Variants in LPA observed in about 807,000 individuals in gnomAD.
LPA encodes the protein apolipoprotein(a).
In LPA, 199 loss-of-function variants were observed where a neutral mutation model predicts 197.9. The observed-to-expected ratio is 1.01, with a 90% CI of 0.90 to 1.13. LPA has a LOEUF of 1.13. Among genes scored for constraint, LPA ranks in the 50% most tolerant of loss-of-function variants. LPA has a pLI of 0.00. For synonymous variants in LPA, 715 were observed against 639.5 expected (o/e 1.12, Z -1.78); for missense variants, 1,853 against 1,785.8 (o/e 1.04, Z -0.68).
chr6:160,606,802 C>T, intron 16 of LPA, 144 bp from the exon 17 acceptor site: 2 of 1,279,008 alleles, frequency 1.6e-6, no homozygotes, highest in South Asian at 1.2e-5. Flanking sequence ...GCCACAAGCA[C>T]AAATGGCTCT....
chr6:160,595,427 C>T lies in LPA; in HGVS notation c.3396G>A (p.Leu1132=), dbSNP rs1346701940. The T allele has an allele frequency of 6.2e-7, 1 of 1,613,838 alleles. No homozygotes were observed. The highest frequency in any genetic ancestry group is 1.3e-5 in the African/African-American group (1 of 74,982). The change falls in exon 21 of 39, where the codon CTG becomes CTA. Residue 1132 remains leucine, a synonymous_variant. Transcript: ENST00000316300. ...TTGCAAGGACACTTGATTCTGTCAC[C>T]AGGCATTGTGTCAGGTTGCAGTACT... ...RWEYCNLTQC[L]VTESSVLATL...
chr6:160,549,722 G>A (rs1583571809), intron 30 of LPA, among the ~76,000 whole-genome samples: 1 of 152,340 alleles, frequency 6.6e-6, no homozygotes, highest in East Asian at 1.9e-4. Flanking sequence ...CAGGCAGGAT[G>A]CTGTTTCTCT....
chr6:160,583,213 C>T (rs1019011179), intron 26 of LPA, among the ~76,000 whole-genome samples: 3 of 151,412 alleles, frequency 2.0e-5, no homozygotes, highest in African/African-American at 7.3e-5. Context: ...TTATGGGTCA[C>T]ACTAAATGCT....
chr6:160,650,404 G>T lies in LPA; in HGVS notation c.143C>A (p.Thr48Asn). 6.2e-7 allele frequency: 1 copy of T among 1,613,882 alleles called. No homozygotes were observed. The highest frequency in any genetic ancestry group is 1.7e-4 in the Middle Eastern group (1 of 6,058). Residue 48 changes from threonine to asparagine, a missense_variant, in exon 2 of 39, where the codon ACC (threonine) becomes AAC (asparagine). Physicochemically the swap from Thr to Asn is moderately conservative, Grantham distance 65. Coordinates refer to ENST00000316300, the MANE Select transcript of LPA (RefSeq NM_005577.4). Reference sequence around the variant, plus strand: ...TGTCATAGATGACCAAGCTTGGCAGGTCCTTCCTGTGACAGTGGTGGAGTA... The same window carrying T: ...TGTCATAGATGACCAAGCTTGGCAGTTCCTTCCTGTGACAGTGGTGGAGTA... ...GTYSTTVTGRTCQAWSSMTPH... is the reference protein window; with the variant it reads ...GTYSTTVTGRNCQAWSSMTPH...
At chr6:160,643,085 T>A (rs1472193152) in intron 4 of LPA, among the ~76,000 whole-genome samples, 4 of 86,382 alleles carry the variant, frequency 4.6e-5, no homozygotes, top group East Asian at 6.8e-4. Context: ...GTGTTTTCAG[T>A]GTGTGTGTGT....
At chr6:160,650,313 G>T (rs754369095) in intron 2 of LPA, 25 bp downstream of exon 2, 189 of 1,611,238 alleles carry the variant, frequency 1.2e-4, no homozygotes, top group Admixed American at 3.7e-4. Context: ...ACCTTGTTTT[G>T]CTTACTGTAA....
intron 1 of LPA, among the ~76,000 whole-genome samples, chr6:160,662,760 C>T (rs1321694844): frequency 6.6e-6 from 1 of 152,190 alleles, no homozygotes. Context: ...CCACTAAATT[C>T]AAATGTGTTT....
chr6:160,593,112 T>A (rs1189765647), intron 22 of LPA, among the ~76,000 whole-genome samples: 1 of 152,188 alleles, frequency 6.6e-6, no homozygotes, highest in African/African-American at 2.4e-5. Context: ...CAGCCTAGAA[T>A]ACGTCAGATG....
At chr6:160,564,442 T>G (rs1043520163) in intron 28 of LPA, among the ~76,000 whole-genome samples, 1 of 151,896 alleles carries the variant, frequency 6.6e-6, no homozygotes, top group African/African-American at 2.4e-5. Context: ...AGACTCCAAT[T>G]TCTTCAGTTT....
In LPA at chr6:160,537,957, C is replaced by T. The variant is rs1777919508; in HGVS notation, c.5740G>A (p.Ala1914Thr). 6.2e-7 allele frequency: 1 copy of T among 1,614,072 alleles called. No homozygotes were observed. The highest frequency in any genetic ancestry group is 8.5e-7 in the Non-Finnish European group (1 of 1,179,910). ...DIALLKLSRP[A>T]VITDKVMPAC... Reference sequence around the variant, plus strand: ...GGCATTACTTTGTCAGTGATGACGGCAGGCCTGTAAGGAAAGTATTAGCAG... The same window carrying T: ...GGCATTACTTTGTCAGTGATGACGGTAGGCCTGTAAGGAAAGTATTAGCAG... The change falls in exon 37 of 39, where the codon GCC becomes ACC. Residue 1914 changes from alanine to threonine, a missense_variant. Transcript: ENST00000316300.
chr6:160,657,395 T>C (rs1369289752), intron 1 of LPA, among the ~76,000 whole-genome samples: 7 of 124,180 alleles, frequency 5.6e-5, no homozygotes, highest in Non-Finnish European at 1.1e-4. Flanking sequence ...TAAACTATTA[T>C]AACTTTTTTT....
chr6:160,634,028 T>TCCATC, intron 7 of LPA, 116 bp from the exon 8 acceptor site: 4 of 1,455,640 alleles, frequency 2.7e-6, no homozygotes, highest in African/African-American at 1.5e-5. Context: ...TATCTTTCCC[T>TCCATC]TACCTGTAGG....
At chr6:160,553,954 T>TGTGCGCGC (rs771903485) in intron 30 of LPA, among the ~76,000 whole-genome samples, 1 of 130,748 alleles carries the variant, frequency 7.6e-6, no homozygotes, top group African/African-American at 3.0e-5. Flanking sequence ...TGTGTGTGTG[T>TGTGCGCGC]GCGCGCGCGC....
At chr6:160,655,441 A>G (rs1780115996) in intron 1 of LPA, among the ~76,000 whole-genome samples, 1 of 152,202 alleles carries the variant, frequency 6.6e-6, no homozygotes, top group African/African-American at 2.4e-5. Flanking sequence ...GACCTGTTTC[A>G]GAGCCTTCTT....
chr6:160,608,403 A>T (rs542137745), intron 16 of LPA, among the ~76,000 whole-genome samples: 9 of 152,300 alleles, frequency 5.9e-5, no homozygotes, highest in Admixed American at 3.9e-4. Flanking sequence ...TACCACATTA[A>T]TAACATTCCC....
chr6:160,584,248 C>T (rs1778860097), intron 26 of LPA, among the ~76,000 whole-genome samples: 1 of 139,984 alleles, frequency 7.1e-6, no homozygotes, highest in African/African-American at 2.6e-5. Flanking sequence ...TCCTCCTCCT[C>T]CTCCTCCTCC....
chr6:160,600,326 T>A (rs1779213890), intron 19 of LPA, among the ~76,000 whole-genome samples: 1 of 151,976 alleles, frequency 6.6e-6, no homozygotes, highest in Non-Finnish European at 1.5e-5. Context: ...ACAAGTTCCA[T>A]CAGAAAGAGG....
chr6:160,536,151 A>C (rs1018642745), intron 37 of LPA, among the ~76,000 whole-genome samples: 6 of 152,022 alleles, frequency 3.9e-5, no homozygotes, highest in Admixed American at 2.6e-4. Context: ...GGCCTTTCTT[A>C]TTCTTTCCCG....
At chr6:160,588,199 A>C (rs1778953025) in intron 24 of LPA, among the ~76,000 whole-genome samples, 1 of 152,006 alleles carries the variant, frequency 6.6e-6, no homozygotes, top group Non-Finnish European at 1.5e-5. Context: ...GTAACGCAAT[A>C]GGAATGCCAT....
Sources: allele counts gnomAD v4.1 joint callset (sites outside exome capture counted in the v4.1 genomes callset), GRCh38; gene constraint gnomAD v4.1.1; transcripts MANE v1.5; gene names NCBI Gene and HGNC (gene_info 2026-07-23, HGNC 2026-07-21).